Variants in RAP1GAP2 observed in about 807,000 individuals in gnomAD.
The protein encoded by RAP1GAP2 is RAP1 GTPase activating protein 2, also known as rap1 GTPase-activating protein 2.
In RAP1GAP2, 27 loss-of-function variants were observed where a neutral mutation model predicts 95.0. The ratio of observed to expected loss-of-function variants is 0.28; its 90% CI spans 0.21 to 0.39. RAP1GAP2 has a LOEUF of 0.39. Among genes scored for constraint, RAP1GAP2 ranks in the 10% least tolerant of loss-of-function variants. The probability of loss-of-function intolerance (pLI) is 1.00; values close to 1 mark genes in which losing one functional copy is unlikely to be tolerated. For missense variants in RAP1GAP2, 771 were observed against 970.0 expected, an observed-to-expected ratio of 0.79 and a Z score of 2.72; for synonymous variants, 373 against 380.9, an observed-to-expected ratio of 0.98 and a Z score of 0.24.
intron 3 of RAP1GAP2, among the ~76,000 whole-genome samples, chr17:2,948,815 A>T (rs1004336791): frequency 6.6e-6 from 1 of 151,848 alleles, no homozygotes; most frequent in Non-Finnish European, 1.5e-5. Context: ...GGGAGGGCAC[A>T]GGGTGGTGAG....
intron 8 of RAP1GAP2, among the ~76,000 whole-genome samples, chr17:2,970,795 T>A (rs2044834254): frequency 6.6e-6 from 1 of 152,126 alleles, no homozygotes; most frequent in African/African-American, 2.4e-5. Context: ...ATCCTAGCAC[T>A]TTGGGAGGCT....
At chr17:3,030,167 A>G (rs1041936805) in intron 22 of RAP1GAP2, among the ~76,000 whole-genome samples, 2 of 110,834 alleles carry the variant, frequency 1.8e-5, no homozygotes, top group African/African-American at 7.0e-5. Flanking sequence ...CATATGTATA[A>G]TATATATTAT....
rs1205595154 is a variant in RAP1GAP2 at position 2,906,083 on chromosome 17, C to T, written c.165+715C>T. Among the ~76,000 whole-genome samples, 6 of 152,098 alleles carry T rather than the reference C, an allele frequency of 3.9e-5. No individual in the cohort carries two copies. The highest frequency in any genetic ancestry group is 1.9e-4 in the East Asian group (1 of 5,178). On this transcript the variant is annotated intron_variant, in intron 3 of 24. Coordinates refer to ENST00000254695, the MANE Select transcript of RAP1GAP2 (RefSeq NM_015085.5). This position sits in a 1 kb window ranked among gnomAD's most constrained non-coding sequence, Gnocchi z 4.3. ...TTCTGCATAGGCTGGCATGCACGCTCTCCCTCCCTCCCTCCCTGCCTCCCT... is the reference window on the plus strand; with the variant it reads ...TTCTGCATAGGCTGGCATGCACGCTTTCCCTCCCTCCCTCCCTGCCTCCCT...
intron 2 of RAP1GAP2, among the ~76,000 whole-genome samples, chr17:2,887,307 C>T (rs1426794597): frequency 1.3e-5 from 2 of 152,060 alleles, no homozygotes; most frequent in African/African-American, 2.4e-5. Context: ...ATCTGCCTGC[C>T]TTGGCTTCCC....
In RAP1GAP2 at chr17:2,871,245, T is replaced by G. The variant is rs555734988; in HGVS notation, c.81-34039T>G. Among the ~76,000 whole-genome samples, 1 of 152,196 alleles carries G rather than the reference T, an allele frequency of 6.6e-6. No individual in the cohort carries two copies. Among genetic ancestry groups the G allele is most frequent in the African/African-American group, 2.4e-5 (1 of 41,448 alleles). On this transcript the variant is annotated intron_variant, in intron 2 of 24. Coordinates refer to ENST00000254695, the MANE Select transcript of RAP1GAP2 (RefSeq NM_015085.5). This position sits in a 1 kb window ranked among gnomAD's most constrained non-coding sequence, Gnocchi z 5.0. ...TGCTGGGATTACAGGCATGAGCCAC[T>G]GCGCCCAGCCAAGGGCTAAACATTT...
chr17:2,831,226 G>A (rs139179441), intron 2 of RAP1GAP2, among the ~76,000 whole-genome samples: 89 of 147,516 alleles, frequency 6.0e-4, no homozygotes, highest in African/African-American at 2.1e-3. Context: ...ACAGGCACCT[G>A]CCACCACGCC....
rs758246702 is a variant in RAP1GAP2, at chr17:3,030,982, A to T, written c.2168A>T (p.His723Leu). The T allele has an allele frequency of 1.9e-6, 3 of 1,608,708 alleles. No homozygotes were observed. Among genetic ancestry groups the T allele is most frequent in the Non-Finnish European group, 2.5e-6 (3 of 1,177,614 alleles). Residue 723 changes from histidine to leucine, a missense_variant, in exon 23 of 25, where the codon CAT (histidine) becomes CTT (leucine). Coordinates refer to ENST00000254695, the MANE Select transcript of RAP1GAP2 (RefSeq NM_015085.5). The part of the protein sequence containing the change: ...NLKFRFDKLS[H>L]ASSGAGH The stretch of plus-strand genomic sequence containing the variant: ...AAATTCCGCTTTGACAAGCTCAGCC[A>T]TGCCAGCTCTGGTGCGGTAAGGATG...
intron 2 of RAP1GAP2, among the ~76,000 whole-genome samples, chr17:2,823,531 C>A (rs927196665): frequency 6.6e-6 from 1 of 152,194 alleles, no homozygotes; most frequent in Non-Finnish European, 1.5e-5. Flanking sequence ...CATACACTAT[C>A]GTCTCTGCAG....
At chr17:2,955,749 T>G (rs2044083794) in intron 3 of RAP1GAP2, among the ~76,000 whole-genome samples, 1 of 152,210 alleles carries the variant, frequency 6.6e-6, no homozygotes, top group Non-Finnish European at 1.5e-5. Flanking sequence ...TCTTACTGAG[T>G]CAGTTGTGAT....
At chr17:2,832,557 C>CAAAAAA (rs35663343) in intron 2 of RAP1GAP2, among the ~76,000 whole-genome samples, 1 of 76,750 alleles carries the variant, frequency 1.3e-5, no homozygotes, top group Admixed American at 1.6e-4. Flanking sequence ...GACTCCATCT[C>CAAAAAA]AAAAAAAAAA....
At chr17:2,875,889 T>G (rs1433804902) in intron 2 of RAP1GAP2, among the ~76,000 whole-genome samples, 1 of 151,782 alleles carries the variant, frequency 6.6e-6, no homozygotes, top group East Asian at 1.9e-4. Flanking sequence ...AAAGTCATCC[T>G]TCCTGTAGCC....
intron 8 of RAP1GAP2, among the ~76,000 whole-genome samples, chr17:2,972,045 T>G (rs928885541): frequency 1.2e-4 from 19 of 152,242 alleles, no homozygotes; most frequent in Non-Finnish European, 8.8e-5. Flanking sequence ...CTCATGCTAT[T>G]AAATTGCTTC....
At chr17:2,883,052 G>A (rs527431301) in intron 2 of RAP1GAP2, among the ~76,000 whole-genome samples, 3 of 152,330 alleles carry the variant, frequency 2.0e-5, no homozygotes, top group South Asian at 2.1e-4. Context: ...GGGAGGCTGC[G>A]GGGTTGTCTT....
At chr17:2,760,654 T>G (rs1481044159) in intron 1 of RAP1GAP2, among the ~76,000 whole-genome samples, 1 of 151,748 alleles carries the variant, frequency 6.6e-6, no homozygotes, top group Non-Finnish European at 1.5e-5. Context: ...TTTCACTTTT[T>G]TTTTTACTTA....
intron 16 of RAP1GAP2, among the ~76,000 whole-genome samples, chr17:3,006,669 G>C (rs1033241076): frequency 6.6e-6 from 1 of 150,608 alleles, no homozygotes; most frequent in African/African-American, 2.4e-5. Flanking sequence ...TCCTGACCTC[G>C]TGATCCGCCT....
chr17:2,948,418 G>A (rs1289797456), intron 3 of RAP1GAP2, among the ~76,000 whole-genome samples: 1 of 152,246 alleles, frequency 6.6e-6, no homozygotes, highest in African/African-American at 2.4e-5. Flanking sequence ...AGTGTTGCAG[G>A]GGCGAGGGTC....
At chr17:2,783,709 C>T (rs544940990) in intron 1 of RAP1GAP2, among the ~76,000 whole-genome samples, 2 of 152,330 alleles carry the variant, frequency 1.3e-5, no homozygotes, top group Non-Finnish European at 2.9e-5. Context: ...GCAACATGGG[C>T]AGGGTTCAGT....
chr17:2,897,380 C>T (rs894622900), intron 2 of RAP1GAP2, among the ~76,000 whole-genome samples: 1 of 151,942 alleles, frequency 6.6e-6, no homozygotes, highest in African/African-American at 2.4e-5. Context: ...TGTCCAGAAG[C>T]CAGTTGTGCT....
chr17:2,935,366 G>C (rs1185076899), intron 3 of RAP1GAP2, among the ~76,000 whole-genome samples: 2 of 152,138 alleles, frequency 1.3e-5, no homozygotes, highest in African/African-American at 4.8e-5. Context: ...AATAAGCTGG[G>C]TGTGGTGGCG....
Sources: gnomAD v4.1 joint callset for allele counts (sites outside exome capture counted in the v4.1 genomes callset) on GRCh38, gnomAD v4.1.1 for gene constraint, Gnocchi (gnomAD v3.1) non-coding constraint, MANE v1.5 for transcripts, NCBI Gene and HGNC (gene_info 2026-07-23, HGNC 2026-07-21) for gene names.